Variants in PLS3 observed in about 807,000 individuals in gnomAD.
The protein encoded by PLS3 is plastin 3, also known as plastin-3.
PLS3 carries 11 observed loss-of-function variants against 46.5 expected under a neutral mutation model. That is an observed-to-expected ratio of 0.24 (90% CI 0.15 to 0.39). The LOEUF is 0.39. PLS3 is among the 10% of genes least tolerant of loss of function. PLS3 has a pLI of 1.00. For missense variants in PLS3, 308 were observed against 461.8 expected (o/e 0.67, Z 3.05); for synonymous variants, 167 against 162.2 (o/e 1.03, Z -0.22).
At chrX:115,565,683 C>T (rs1243490546) in intron 1 of PLS3, among the ~76,000 whole-genome samples, 2 of 111,757 alleles carry the variant, frequency 1.8e-5, no homozygotes, top group African/African-American at 3.2e-5. Flanking sequence ...GATGCAATTG[C>T]ATTGATCCAA....
At position 115,649,714 on chromosome X, in the gene PLS3, A is replaced by C; in HGVS notation, c.*153A>C. On this transcript the variant is annotated 3_prime_UTR_variant, in exon 16 of 16. Coordinates refer to ENST00000355899, the MANE Select transcript of PLS3 (RefSeq NM_005032.7). ...GGACTAGCTTATCATGAGAGCCCTCAGGGGAAAGGGTTTAAGAAAAACAAC... is the reference window on the plus strand; with the variant it reads ...GGACTAGCTTATCATGAGAGCCCTCCGGGGAAAGGGTTTAAGAAAAACAAC... The C allele has an allele frequency of 2.4e-6, 1 of 421,691 alleles. No homozygotes were observed. Among genetic ancestry groups the C allele is most frequent in the East Asian group, 3.9e-5 (1 of 25,970 alleles). 34.8% of individuals were successfully genotyped at this position (421,691 alleles called of 1,213,427 possible).
chrX:115,607,706 T>C (rs1468162396), intron 1 of PLS3, among the ~76,000 whole-genome samples: 1 of 111,623 alleles, frequency 9.0e-6, no homozygotes, highest in Non-Finnish European at 1.9e-5. Flanking sequence ...TTTCACCATG[T>C]TGGTGAGACT....
chrX:115,609,726 G>A (rs1177283139), intron 1 of PLS3, among the ~76,000 whole-genome samples: 1 of 112,401 alleles, frequency 8.9e-6, no homozygotes, highest in Non-Finnish European at 1.9e-5. Context: ...GCACACATGT[G>A]CATTTTTATA....
Position 115,596,673 on chromosome X carries a change from C to T in PLS3, c.-8-13570C>T, listed in dbSNP as rs1440588326. On this transcript the variant is annotated intron_variant, in intron 1 of 15. Transcript: ENST00000355899. ...CCCACATGGTGAAACCCCGTCTCTCCTAAAAGAATAAAAACTAGCCAGATG... is the reference window on the plus strand; with the variant it reads ...CCCACATGGTGAAACCCCGTCTCTCTTAAAAGAATAAAAACTAGCCAGATG... 4.5e-5 allele frequency among the ~76,000 whole-genome samples: 5 copies of T among 110,460 alleles called. No individual in the cohort carries two copies. The East Asian group carries it at 1.1e-3, about 25-fold the overall frequency.
At position 115,633,954 on chromosome X, in the gene PLS3, C is replaced by A. The variant is rs1003335210; in HGVS notation, c.501-46C>A. ...TTACAGCCACTTTATAAAAGGAAAT[C>A]AGCTCTTTTTTTTTACATCAGCCTT... On this transcript the variant is annotated intron_variant, in intron 5 of 15. Transcript: ENST00000355899. 1.2e-5 allele frequency: 8 copies of A among 654,622 alleles called. No homozygotes were observed. The Admixed American group carries it at 2.1e-4, about 17-fold the overall frequency. 53.9% of individuals were successfully genotyped at this position (654,622 alleles called of 1,213,427 possible).
chrX:115,575,760 AT>A (rs202075560), intron 1 of PLS3, among the ~76,000 whole-genome samples: 2 of 110,748 alleles, frequency 1.8e-5, no homozygotes, highest in African/African-American at 6.6e-5. Context: ...AAGTTTAGCT[AT>A]TTTTTTTCTT....
intron 5 of PLS3, among the ~76,000 whole-genome samples, chrX:115,631,712 T>C (rs1446107145): frequency 9.0e-6 from 1 of 111,307 alleles, no homozygotes; most frequent in Non-Finnish European, 1.9e-5. Flanking sequence ...CCAGCCTGGG[T>C]GACCCTGTCT....
intron 1 of PLS3, among the ~76,000 whole-genome samples, chrX:115,589,732 G>A (rs12858128): frequency 0.011 from 1,205 of 112,138 alleles, 7 homozygotes; most frequent in Non-Finnish European, 0.016. Flanking sequence ...AAAATACTAT[G>A]CCTAGCTTTT....
chrX:115,632,796 A>G lies in PLS3; in HGVS notation c.501-1204A>G, dbSNP rs1484437347. Among the ~76,000 whole-genome samples the G allele has an allele frequency of 3.6e-5, 4 of 109,826 alleles. No homozygotes were observed. In the East Asian group the frequency reaches 1.2e-3, roughly 32 times the overall value. The stretch of plus-strand genomic sequence containing the variant: ...CAGGGTCTTGCTGTGCAGTGATTCA[A>G]TCATGGCTCACTACCGCCATGACCT... On this transcript the variant is annotated intron_variant, in intron 5 of 15. Coordinates refer to ENST00000355899, the MANE Select transcript of PLS3 (RefSeq NM_005032.7).
intron 1 of PLS3, among the ~76,000 whole-genome samples, chrX:115,608,263 A>G (rs781791716): frequency 8.9e-6 from 1 of 111,923 alleles, no homozygotes. Flanking sequence ...TGGCCAAAAC[A>G]TAAGTTGGTG....
In PLS3 at chrX:115,640,429, C is replaced by G. The variant is rs1319576088; in HGVS notation, c.913C>G (p.Leu305Val). The G allele has an allele frequency of 8.4e-7, 1 of 1,189,131 alleles. No individual in the cohort carries two copies. Among genetic ancestry groups the G allele is most frequent in the African/African-American group, 1.7e-5 (1 of 57,399 alleles). Residue 305 changes from leucine to valine, a missense_variant, in exon 9 of 16, where the codon CTT becomes GTT. This residue lies in a region of PLS3 where 271 missense variants were observed against 435.7 expected (regional missense o/e 0.62). Transcript: ENST00000355899. ...GTAGGATTCCAAAGCCTATTTCCAT[C>G]TTCTCAATCAAATCGCACCAAAAGG... ...DIKDSKAYFH[L>V]LNQIAPKGQK... is the part of the protein sequence containing the mutation.
chrX:115,639,245 C>G (rs1401492740), intron 8 of PLS3, among the ~76,000 whole-genome samples: 1 of 111,913 alleles, frequency 8.9e-6, no homozygotes, highest in African/African-American at 3.2e-5. Flanking sequence ...TTGTAGTACA[C>G]TATTCCTTAA....
intron 9 of PLS3, among the ~76,000 whole-genome samples, chrX:115,642,130 C>T (rs1422850496): frequency 9.4e-6 from 1 of 105,897 alleles, no homozygotes; most frequent in East Asian, 3.1e-4. Context: ...CCTTCTGCCT[C>T]GGCCTCCCAA....
intron 1 of PLS3, among the ~76,000 whole-genome samples, chrX:115,601,925 G>A (rs782055691): frequency 8.9e-5 from 10 of 111,776 alleles, no homozygotes; most frequent in South Asian, 3.8e-4. Flanking sequence ...AACTTGAATC[G>A]TCCTCACTGA....
intron 1 of PLS3, among the ~76,000 whole-genome samples, chrX:115,571,654 C>T (rs1163895882): frequency 2.7e-5 from 3 of 111,589 alleles, no homozygotes; most frequent in South Asian, 3.7e-4. Flanking sequence ...AACTCAAGGC[C>T]GCTAACAAAT....
Position 115,610,104 on chromosome X carries a change from G to A in PLS3, c.-8-139G>A, listed in dbSNP as rs73581642. Reference sequence around the variant, plus strand: ...TTTGTTTTCTTTATTAAAGCTGTATGTAGAGACATGGTAACCTATTCAGAT... The same window carrying A: ...TTTGTTTTCTTTATTAAAGCTGTATATAGAGACATGGTAACCTATTCAGAT... On this transcript the variant is annotated intron_variant, in intron 1 of 15. Transcript: ENST00000355899. 2,205 of 305,013 alleles carry A rather than the reference G, an allele frequency of 7.2e-3. 35 individuals carry two copies. Among genetic ancestry groups the A allele is most frequent in the African/African-American group, 0.053 (1,954 of 36,624 alleles). 25.1% of individuals were successfully genotyped at this position (305,013 alleles called of 1,213,427 possible).
At chrX:115,603,296 A>G (rs1318657281) in intron 1 of PLS3, among the ~76,000 whole-genome samples, 3 of 110,877 alleles carry the variant, frequency 2.7e-5, no homozygotes, top group African/African-American at 9.8e-5. Flanking sequence ...ACAAACAAAC[A>G]AGGTTTTGTT....
chrX:115,596,593 T>C (rs1424504521), intron 1 of PLS3, among the ~76,000 whole-genome samples: 1 of 111,505 alleles, frequency 9.0e-6, no homozygotes, highest in Non-Finnish European at 1.9e-5. Context: ...TCCCAACATT[T>C]TGGGAGGCCT....
rs150792982 is a variant in PLS3 at position 115,606,580 on chromosome X, A to G, written c.-8-3663A>G. Among the ~76,000 whole-genome samples, 1,056 of 111,573 alleles carry G rather than the reference A, an allele frequency of 9.5e-3. 2 individuals carry two copies. The highest frequency in any genetic ancestry group is 0.016 in the Non-Finnish European group (830 of 53,185). ...CAAACTGGAAAGGACCTTTAGAGAT[A>G]AAGGAGAGAGGCCACATGTTTTAGA... is the stretch of plus-strand genomic sequence containing the variant. On this transcript the variant is annotated intron_variant, in intron 1 of 15. Transcript: ENST00000355899.
Sources: allele counts gnomAD v4.1 joint callset (sites outside exome capture counted in the v4.1 genomes callset), GRCh38; gene constraint gnomAD v4.1.1; regional missense constraint gnomAD v4.1.1; transcripts MANE v1.5; gene names NCBI Gene and HGNC (gene_info 2026-07-23, HGNC 2026-07-21).